THSD7B: variants seen among roughly 807,000 people sequenced by gnomAD.
The protein encoded by THSD7B is thrombospondin type 1 domain containing 7B.
A neutral mutation model predicts 213.6 loss-of-function variants in THSD7B; 138 were observed. The observed-to-expected ratio is 0.65, with a 90% CI of 0.56 to 0.74. THSD7B has a LOEUF of 0.74. Ranked by LOEUF, THSD7B falls within the 30% of genes least tolerant of loss-of-function variation. The pLI is 0.00. For missense variants in THSD7B, 1,931 were observed against 1,991.5 expected (o/e 0.97, Z 0.58); for synonymous variants, 742 against 687.0 (o/e 1.08, Z -1.25).
intron 25 of THSD7B, among the ~76,000 whole-genome samples, chr2:137,662,238 TTTTC>T (rs1311459069): frequency 0.045 from 5,274 of 117,532 alleles, 154 homozygotes; most frequent in Non-Finnish European, 0.066. Flanking sequence ...AATTTTTTTT[TTTTC>T]TTTTTTTTTT....
intron 3 of THSD7B, among the ~76,000 whole-genome samples, chr2:137,068,240 A>G (rs893396548): frequency 6.6e-6 from 1 of 151,992 alleles, no homozygotes; most frequent in Non-Finnish European, 1.5e-5. Flanking sequence ...CAGAGTGGAA[A>G]CCAGAAGTCA....
At chr2:136,924,313 T>G (rs1684486148) in intron 2 of THSD7B, among the ~76,000 whole-genome samples, 1 of 151,748 alleles carries the variant, frequency 6.6e-6, no homozygotes, top group Non-Finnish European at 1.5e-5. Flanking sequence ...ACTCCTGACC[T>G]CAAGTGATCC....
chr2:137,530,606 C>A (rs1680378156), intron 15 of THSD7B, among the ~76,000 whole-genome samples: 1 of 151,922 alleles, frequency 6.6e-6, no homozygotes, highest in African/African-American at 2.4e-5. Context: ...GGAAGTTGAA[C>A]TGTGAAGGGC....
At chr2:137,448,706 G>A (rs1398643416) in intron 14 of THSD7B, among the ~76,000 whole-genome samples, 1 of 152,082 alleles carries the variant, frequency 6.6e-6, no homozygotes, top group Non-Finnish European at 1.5e-5. Context: ...GGCTGAGGCC[G>A]GAGAATGGCG....
At chr2:137,440,706 T>A (rs936732591) in intron 14 of THSD7B, among the ~76,000 whole-genome samples, 1 of 152,068 alleles carries the variant, frequency 6.6e-6, no homozygotes, top group Non-Finnish European at 1.5e-5. Context: ...TGCACTCCTG[T>A]CCTTATAAGA....
intron 7 of THSD7B, among the ~76,000 whole-genome samples, chr2:137,206,874 A>G (rs993813924): frequency 2.6e-5 from 4 of 152,060 alleles, no homozygotes; most frequent in Non-Finnish European, 5.9e-5. Flanking sequence ...ATACAAATTA[A>G]TATATTGAAA....
chr2:137,150,864 T>C (rs1679806451), intron 5 of THSD7B, among the ~76,000 whole-genome samples: 1 of 152,196 alleles, frequency 6.6e-6, no homozygotes, highest in South Asian at 2.1e-4. Flanking sequence ...CTGTGCTGAA[T>C]AATGTAGGCA....
chr2:137,012,327 A>G (rs920063804), intron 2 of THSD7B, among the ~76,000 whole-genome samples: 2 of 152,154 alleles, frequency 1.3e-5, no homozygotes, highest in Non-Finnish European at 2.9e-5. Context: ...TATTTCATCA[A>G]CAATACTCCA....
At chr2:137,583,596 A>T (rs941016091) in intron 17 of THSD7B, among the ~76,000 whole-genome samples, 2 of 152,190 alleles carry the variant, frequency 1.3e-5, no homozygotes, top group Non-Finnish European at 2.9e-5. Flanking sequence ...TAAATAGGGA[A>T]TCCTTTCCCC....
chr2:137,406,855 C>G (rs1448440196), intron 13 of THSD7B, among the ~76,000 whole-genome samples: 1 of 152,200 alleles, frequency 6.6e-6, no homozygotes, highest in African/African-American at 2.4e-5. Context: ...TTTTATGCAA[C>G]ATTGCTTGTT....
At chr2:137,077,938 C>A (rs967226051) in intron 3 of THSD7B, among the ~76,000 whole-genome samples, 2 of 152,134 alleles carry the variant, frequency 1.3e-5, no homozygotes, top group Non-Finnish European at 2.9e-5. Context: ...AGGTTTTCTT[C>A]TAGGGTTTTT....
intron 7 of THSD7B, among the ~76,000 whole-genome samples, chr2:137,206,541 T>A (rs887190683): frequency 6.6e-6 from 1 of 152,028 alleles, no homozygotes; most frequent in Non-Finnish European, 1.5e-5. Context: ...TTGGATTGAA[T>A]CCTAGTATCA....
intron 20 of THSD7B, among the ~76,000 whole-genome samples, chr2:137,625,356 A>T (rs1196263173): frequency 6.6e-6 from 1 of 151,204 alleles, no homozygotes; most frequent in Non-Finnish European, 1.5e-5. Context: ...GGATAACATT[A>T]GGGGAAATAC....
intron 24 of THSD7B, among the ~76,000 whole-genome samples, chr2:137,658,522 G>A (rs1398168712): frequency 1.3e-5 from 2 of 152,062 alleles, no homozygotes; most frequent in East Asian, 1.9e-4. Context: ...ATTCCCAAGA[G>A]CCCTCCTCCC....
At chr2:137,146,777 A>T (rs1047251079) in intron 5 of THSD7B, among the ~76,000 whole-genome samples, 1 of 152,152 alleles carries the variant, frequency 6.6e-6, no homozygotes, top group Non-Finnish European at 1.5e-5. Context: ...GGAGGAAAAG[A>T]CAATTAGGAA....
chr2:137,647,708 CT>C (rs1683062852), intron 21 of THSD7B, among the ~76,000 whole-genome samples: 1 of 152,110 alleles, frequency 6.6e-6, no homozygotes, highest in African/African-American at 2.4e-5. Flanking sequence ...CCTCTCCTTT[CT>C]TTCCTCTCCT....
intron 2 of THSD7B, among the ~76,000 whole-genome samples, chr2:136,956,184 A>C (rs1332661694): frequency 2.0e-5 from 3 of 152,254 alleles, no homozygotes; most frequent in Non-Finnish European, 4.4e-5. Context: ...AGCTAACTGC[A>C]TGAATCCTGA....
intron 2 of THSD7B, among the ~76,000 whole-genome samples, chr2:136,894,190 T>C (rs1683911215): frequency 6.6e-6 from 1 of 152,250 alleles, no homozygotes; most frequent in African/African-American, 2.4e-5. Flanking sequence ...AATAATTTTC[T>C]AATTGAATGC....
At chr2:137,646,725 G>C (rs1257883955) in intron 21 of THSD7B, among the ~76,000 whole-genome samples, 1 of 151,102 alleles carries the variant, frequency 6.6e-6, no homozygotes, top group Non-Finnish European at 1.5e-5. Context: ...GCAGCTTCCA[G>C]AACCATGAGC....
Sources: allele counts gnomAD v4.1 joint callset (sites outside exome capture counted in the v4.1 genomes callset), GRCh38; gene constraint gnomAD v4.1.1; transcripts MANE v1.5; gene names NCBI Gene and HGNC (gene_info 2026-07-23, HGNC 2026-07-21).